Variants in SOBP observed in about 807,000 individuals in gnomAD.
The protein encoded by SOBP is sine oculis binding protein homolog.
A neutral mutation model predicts 53.6 loss-of-function variants in SOBP; 4 were observed. That is an observed-to-expected ratio of 0.07 (90% CI 0.04 to 0.17). SOBP has a LOEUF of 0.17. Ranked by LOEUF, SOBP falls within the 10% of genes least tolerant of loss-of-function variation. The pLI, the probability that SOBP is intolerant of heterozygous loss-of-function variation, is 1.00. For synonymous variants in SOBP, 584 were observed against 522.6 expected, an observed-to-expected ratio of 1.12 and a Z score of -1.60; for missense variants, 1,088 against 1,204.7, an observed-to-expected ratio of 0.90 and a Z score of 1.43.
chr6:107,625,026 A>G (rs1770394136), intron 5 of SOBP, among the ~76,000 whole-genome samples: 1 of 152,230 alleles, frequency 6.6e-6, no homozygotes, highest in Non-Finnish European at 1.5e-5. Flanking sequence ...TATTATCTGC[A>G]TAGGTAATCT....
rs544134577 is a variant in SOBP, at chr6:107,648,529, G to T, written c.*4-9678G>T. On this transcript the variant is annotated intron_variant, in intron 6 of 6. Transcript: ENST00000317357. ...GGATGAGACTTGATGAAAATGTGTG[G>T]TTTTTTTTTTTTCTTATGAAAAACT... Among the ~76,000 whole-genome samples, 196 of 147,364 alleles carry T rather than the reference G, an allele frequency of 1.3e-3. 1 individual carries two copies. Among genetic ancestry groups the T allele is most frequent in the African/African-American group, 2.7e-3 (108 of 40,348 alleles).
At chr6:107,649,160 TAC>T (rs1562126986) in intron 6 of SOBP, among the ~76,000 whole-genome samples, 1 of 31,416 alleles carries the variant, frequency 3.2e-5, no homozygotes, top group African/African-American at 1.4e-4. Context: ...CCGCCCCCAC[TAC>T]CAAAAAAAAA....
At chr6:107,638,799 AT>A (rs1377166554) in intron 6 of SOBP, among the ~76,000 whole-genome samples, 1 of 152,062 alleles carries the variant, frequency 6.6e-6, no homozygotes, top group African/African-American at 2.4e-5. Flanking sequence ...TATATTCATT[AT>A]ATATTATATA....
At position 107,606,704 on chromosome 6, in the gene SOBP, C is replaced by T. The variant is rs140715553; in HGVS notation, c.669+19529C>T. On this transcript the variant is annotated intron_variant, in intron 5 of 6. Coordinates refer to ENST00000317357, the MANE Select transcript of SOBP (RefSeq NM_018013.4). ...CTGAAGGTCTGGGTGGGGGATAGGG[C>T]GGCAGCGCCCTCACTGGGATCCCCT... Among the ~76,000 whole-genome samples, 223 of 152,310 alleles carry T rather than the reference C, an allele frequency of 1.5e-3. 1 individual carries two copies. Among genetic ancestry groups the T allele is most frequent in the African/African-American group, 5.0e-3 (209 of 41,588 alleles).
intron 4 of SOBP, among the ~76,000 whole-genome samples, chr6:107,554,152 C>T (rs1045893657): frequency 1.3e-5 from 2 of 152,066 alleles, no homozygotes; most frequent in African/African-American, 2.4e-5. Context: ...GAGTAACCCT[C>T]CAGTAATAAA....
At chr6:107,514,863 A>G (rs1783272167) in intron 3 of SOBP, 1 of 152,246 alleles carries the variant, frequency 6.6e-6, no homozygotes, top group Non-Finnish European at 1.5e-5. Flanking sequence ...TTGTTAATTG[A>G]ACAGATATAA....
chr6:107,502,574 A>G (rs1782871838), intron 1 of SOBP, among the ~76,000 whole-genome samples: 1 of 150,274 alleles, frequency 6.7e-6, no homozygotes, highest in Non-Finnish European at 1.5e-5. Context: ...ATTATCTTAC[A>G]TTTATGTATT....
chr6:107,576,188 C>T (rs1785219175), intron 4 of SOBP, among the ~76,000 whole-genome samples: 1 of 152,212 alleles, frequency 6.6e-6, no homozygotes, highest in Non-Finnish European at 1.5e-5. Flanking sequence ...TTGAACTTCA[C>T]AGTCTGAAAG....
chr6:107,632,273 T>G (rs1311147462), intron 5 of SOBP, among the ~76,000 whole-genome samples: 3 of 151,948 alleles, frequency 2.0e-5, no homozygotes, highest in Admixed American at 6.6e-5. Context: ...TTGCACTGTT[T>G]CACAATTCTT....
chr6:107,574,239 G>A (rs1250137023), intron 4 of SOBP, among the ~76,000 whole-genome samples: 1 of 152,172 alleles, frequency 6.6e-6, no homozygotes, highest in African/African-American at 2.4e-5. Flanking sequence ...TTGACTGCAT[G>A]TAAACATTGC....
At chr6:107,493,423 T>C (rs956896677) in intron 1 of SOBP, among the ~76,000 whole-genome samples, 1 of 151,744 alleles carries the variant, frequency 6.6e-6, no homozygotes. Context: ...GTAGGGGAAA[T>C]GAAAGGGGGA....
At chr6:107,653,102 G>C (rs1771876866) in intron 6 of SOBP, among the ~76,000 whole-genome samples, 1 of 152,154 alleles carries the variant, frequency 6.6e-6, no homozygotes, top group Admixed American at 6.5e-5. Flanking sequence ...TAAGAAAAGA[G>C]ATGTCATCCT....
At chr6:107,555,613 G>A (rs750028700) in intron 4 of SOBP, among the ~76,000 whole-genome samples, 3 of 152,192 alleles carry the variant, frequency 2.0e-5, no homozygotes, top group Admixed American at 6.5e-5. Flanking sequence ...AAGGCACTGC[G>A]CCCTACGTGC....
chr6:107,527,909 A>G (rs1428659757), intron 3 of SOBP, among the ~76,000 whole-genome samples: 1 of 152,124 alleles, frequency 6.6e-6, no homozygotes, highest in Non-Finnish European at 1.5e-5. Flanking sequence ...TCATACTTAA[A>G]AGGCACTCTG....
intron 4 of SOBP, among the ~76,000 whole-genome samples, chr6:107,561,536 C>CGGGCT (rs1784771795): frequency 6.6e-6 from 1 of 152,066 alleles, no homozygotes; most frequent in East Asian, 1.9e-4. Flanking sequence ...TTGGCTGGGC[C>CGGGCT]GGGCTGGGCT....
At chr6:107,533,657 C>G (rs748456192) in intron 4 of SOBP, 47 bp downstream of exon 4, 3 of 1,612,214 alleles carry the variant, frequency 1.9e-6, no homozygotes, top group Non-Finnish European at 2.5e-6. Context: ...CCTCACCAGC[C>G]CACACGCGCA....
intron 3 of SOBP, among the ~76,000 whole-genome samples, chr6:107,507,290 A>AT (rs1356526250): frequency 2.0e-5 from 3 of 151,538 alleles, no homozygotes; most frequent in Non-Finnish European, 4.4e-5. Context: ...ACATCATGAG[A>AT]TTTTTTTTGA....
chr6:107,509,853 C>G (rs564852345), intron 3 of SOBP: 2 of 152,196 alleles, frequency 1.3e-5, no homozygotes, highest in Non-Finnish European at 2.9e-5. Context: ...CCATGGAATT[C>G]CAGGGCGCTC....
At chr6:107,528,716 T>C (rs1458431729) in intron 3 of SOBP, among the ~76,000 whole-genome samples, 1 of 152,234 alleles carries the variant, frequency 6.6e-6, no homozygotes, top group Non-Finnish European at 1.5e-5. Context: ...ATGTGCTGTG[T>C]AAGTTGCAAA....
Sources: gnomAD v4.1 joint callset for allele counts (sites outside exome capture counted in the v4.1 genomes callset) on GRCh38, gnomAD v4.1.1 for gene constraint, MANE v1.5 for transcripts, NCBI Gene and HGNC (gene_info 2026-07-23, HGNC 2026-07-21) for gene names.